The following ARHGAP44 variants were observed in gnomAD, a reference collection of about 807,000 sequenced individuals.
The protein encoded by ARHGAP44 is rho GTPase-activating protein 44.
Under a neutral mutation model 106.8 loss-of-function variants are expected in ARHGAP44, and 43 were observed. That is an observed-to-expected ratio of 0.40 (90% CI 0.32 to 0.52). The LOEUF (loss-of-function observed/expected upper bound fraction) is 0.52, where lower values mean the gene tolerates loss of function less well. Ranked by LOEUF, ARHGAP44 falls within the 20% of genes least tolerant of loss-of-function variation. The pLI is 0.48. For synonymous variants in ARHGAP44, 439 were observed against 410.3 expected (o/e 1.07, Z -0.85); for missense variants, 866 against 1,050.5 (o/e 0.82, Z 2.43).
intron 10 of ARHGAP44, among the ~76,000 whole-genome samples, chr17:12,947,606 A>G (rs574578323): frequency 1.3e-5 from 2 of 152,366 alleles, no homozygotes; most frequent in South Asian, 2.1e-4. Flanking sequence ...ATTAGCTAAT[A>G]TAACAATCCC....
intron 20 of ARHGAP44, chr17:12,986,975 C>T: frequency 1.2e-6 from 1 of 837,258 alleles, no homozygotes; most frequent in Non-Finnish European, 1.8e-6. Context: ...GTGTAGAATC[C>T]ATCATGGTTT....
At chr17:12,789,967 C>T in intron 1 of ARHGAP44, 76 bp downstream of exon 1, 3 of 1,371,508 alleles carry the variant, frequency 2.2e-6, no homozygotes, top group Non-Finnish European at 2.9e-6. Context: ...GTGATGGAGC[C>T]CGCCCAGCCT....
In ARHGAP44 at chr17:12,931,047, A is replaced by G. The variant is rs114283034; in HGVS notation, c.582+2001A>G. On this transcript the variant is annotated intron_variant, in intron 7 of 20. Transcript: ENST00000379672. The stretch of plus-strand genomic sequence containing the variant: ...AGTCATAGCATTTTTCTAGTTATTT[A>G]TATGTTTGTTTGTTTTTGTTTTGTT... 4.0e-3 allele frequency among the ~76,000 whole-genome samples: 604 copies of G among 152,118 alleles called. 6 individuals carry two copies. Among genetic ancestry groups the G allele is most frequent in the African/African-American group, 0.013 (532 of 41,512 alleles).
chr17:12,984,415 G>A, intron 19 of ARHGAP44, 116 bp from the exon 20 acceptor site: 4 of 1,161,988 alleles, frequency 3.4e-6, no homozygotes, highest in Non-Finnish European at 4.6e-6. Context: ...TGGGTGGGTG[G>A]CGAGGGGCAG....
chr17:12,949,743 T>G lies in ARHGAP44; in HGVS notation c.1055+13T>G. The G allele has an allele frequency of 6.2e-7, 1 of 1,605,014 alleles. No individual in the cohort carries two copies. The highest frequency in any genetic ancestry group is 8.5e-7 in the Non-Finnish European group (1 of 1,172,020). On this transcript the variant is annotated intron_variant, in intron 12 of 20. Transcript: ENST00000379672. This position sits in a 1 kb window ranked among gnomAD's most constrained non-coding sequence, Gnocchi z 4.1. ...TCCAGGCTTCCAAGTGAGTACCCCTTGTTTTGGAATGTCCTGTGAGTTACA... is the reference window on the plus strand; with the variant it reads ...TCCAGGCTTCCAAGTGAGTACCCCTGGTTTTGGAATGTCCTGTGAGTTACA...
chr17:12,892,410 G>C (rs1408852495), intron 1 of ARHGAP44, among the ~76,000 whole-genome samples: 1 of 151,818 alleles, frequency 6.6e-6, no homozygotes, highest in Non-Finnish European at 1.5e-5. Context: ...ATGTGTCTTG[G>C]TGAGGATTTC....
chr17:12,978,697 CT>C (rs747277780), intron 18 of ARHGAP44, among the ~76,000 whole-genome samples: 22 of 37,152 alleles, frequency 5.9e-4, no homozygotes, highest in African/African-American at 1.1e-3. Context: ...TTTCTTTTTT[CT>C]TTTTTTTTTT....
rs1193533919 is a variant in ARHGAP44, at chr17:12,949,613, A to G, written c.974-36A>G. ...TGGTGGGTCTTGCCTCTGCCACATC[A>G]TAACAGTTCACAACCAATATTTCAT... On this transcript the variant is annotated intron_variant, in intron 11 of 20. Transcript: ENST00000379672. The surrounding 1 kb of genome is among the most constrained non-coding windows in gnomAD (Gnocchi z 4.1). 7 of 1,605,158 alleles carry G rather than the reference A, an allele frequency of 4.4e-6. No homozygotes were observed. The highest frequency in any genetic ancestry group is 4.5e-5 in the East Asian group (2 of 44,836).
chr17:12,976,341 G>T (rs1035467065), intron 18 of ARHGAP44, among the ~76,000 whole-genome samples: 1 of 151,872 alleles, frequency 6.6e-6, no homozygotes, highest in Admixed American at 6.6e-5. Flanking sequence ...GGCCGGGCAC[G>T]GTGGCTCACA....
chr17:12,849,377 A>C (rs1050226850), intron 1 of ARHGAP44, among the ~76,000 whole-genome samples: 1 of 152,178 alleles, frequency 6.6e-6, no homozygotes, highest in Non-Finnish European at 1.5e-5. Flanking sequence ...GACCCGTACC[A>C]ATCTGTGAGT....
intron 1 of ARHGAP44, among the ~76,000 whole-genome samples, chr17:12,886,412 G>A (rs1052672252): frequency 1.3e-5 from 2 of 152,028 alleles, no homozygotes; most frequent in African/African-American, 4.8e-5. Flanking sequence ...ATCAGTTTGG[G>A]GAGAAGTGAT....
At chr17:12,972,384 A>G (rs1418932326) in intron 16 of ARHGAP44, among the ~76,000 whole-genome samples, 2 of 152,082 alleles carry the variant, frequency 1.3e-5, no homozygotes, top group African/African-American at 4.8e-5. Context: ...GTGGTGGCTC[A>G]CACCTGTAAT....
chr17:12,940,331 A>C (rs1207463022), intron 7 of ARHGAP44, among the ~76,000 whole-genome samples: 1 of 152,250 alleles, frequency 6.6e-6, no homozygotes, highest in Non-Finnish European at 1.5e-5. Context: ...CATTCTGCTC[A>C]AAATGTACTT....
At chr17:12,909,118 A>G (rs2037647100) in intron 4 of ARHGAP44, 145 bp downstream of exon 4, 1 of 685,538 alleles carries the variant, frequency 1.5e-6, no homozygotes, top group African/African-American at 1.8e-5. Flanking sequence ...GTAGGAAATC[A>G]GAACTCTTGG....
At chr17:12,911,474 T>C (rs895596810) in intron 4 of ARHGAP44, among the ~76,000 whole-genome samples, 1 of 152,170 alleles carries the variant, frequency 6.6e-6, no homozygotes, top group African/African-American at 2.4e-5. Context: ...GAAGTAGATA[T>C]GCAAAGATCC....
chr17:12,839,620 A>G (rs901072289), intron 1 of ARHGAP44, among the ~76,000 whole-genome samples: 1 of 152,202 alleles, frequency 6.6e-6, no homozygotes, highest in East Asian at 1.9e-4. Context: ...TTTGCAAACC[A>G]GATGAGTGGA....
At chr17:12,984,395 C>A in intron 19 of ARHGAP44, 136 bp from the exon 20 acceptor site, 1 of 876,042 alleles carries the variant, frequency 1.1e-6, no homozygotes, top group Non-Finnish European at 1.6e-6. Flanking sequence ...GGGGGCAGGG[C>A]AGGGAGGTGT....
chr17:12,944,555 G>C (rs927061374), intron 10 of ARHGAP44, among the ~76,000 whole-genome samples: 2 of 151,554 alleles, frequency 1.3e-5, no homozygotes, highest in African/African-American at 4.9e-5. Context: ...GCGCGATCTT[G>C]GTTCACTGCA....
chr17:12,973,105 G>A (rs1161870198), intron 16 of ARHGAP44, 197 bp from the exon 17 acceptor site: 1 of 586,444 alleles, frequency 1.7e-6, no homozygotes, highest in East Asian at 2.9e-5. Flanking sequence ...GCATGGTAGG[G>A]TATGACTTAC....
Sources: allele counts gnomAD v4.1 joint callset (sites outside exome capture counted in the v4.1 genomes callset), GRCh38; gene constraint gnomAD v4.1.1; non-coding constraint Gnocchi (gnomAD v3.1); transcripts MANE v1.5; gene names NCBI Gene and HGNC (gene_info 2026-07-23, HGNC 2026-07-21).